Variants in MAP3K7CL observed in about 807,000 individuals in gnomAD.
MAP3K7CL encodes the protein MAP3K7 C-terminal-like protein.
MAP3K7CL carries 16 observed loss-of-function variants against 18.6 expected under a neutral mutation model. The observed-to-expected ratio is 0.86, with a 90% CI of 0.58 to 1.31. The LOEUF (loss-of-function observed/expected upper bound fraction) is 1.31, where lower values mean the gene tolerates loss of function less well. MAP3K7CL is among the 50% of genes most tolerant of loss of function. MAP3K7CL has a pLI of 0.00. For synonymous variants in MAP3K7CL, 65 were observed against 66.8 expected, an observed-to-expected ratio of 0.97 and a Z score of 0.13; for missense variants, 163 against 174.4, an observed-to-expected ratio of 0.93 and a Z score of 0.37.
At chr21:29,104,526 A>G (rs1186957936) in intron 4 of MAP3K7CL, among the ~76,000 whole-genome samples, 1 of 152,166 alleles carries the variant, frequency 6.6e-6, no homozygotes, top group Non-Finnish European at 1.5e-5. Flanking sequence ...TTCTGTGCTA[A>G]CCAGCCTTAC....
chr21:29,090,423 C>T (rs2086004258), intron 1 of MAP3K7CL, among the ~76,000 whole-genome samples: 1 of 152,044 alleles, frequency 6.6e-6, no homozygotes, highest in Admixed American at 6.6e-5. Flanking sequence ...CTCTGTCGCC[C>T]AGGCTGGAGT....
chr21:29,170,303 A>G (rs1367267264), intron 4 of MAP3K7CL, among the ~76,000 whole-genome samples: 1 of 152,234 alleles, frequency 6.6e-6, no homozygotes, highest in Non-Finnish European at 1.5e-5. Context: ...GTTCCAGTAA[A>G]GAAGAAATTA....
intron 3 of MAP3K7CL, among the ~76,000 whole-genome samples, chr21:29,149,815 A>G (rs1260080275): frequency 6.6e-5 from 10 of 152,242 alleles, no homozygotes; most frequent in Non-Finnish European, 7.3e-5. Context: ...TTAATACACC[A>G]GAATTATTTG....
At chr21:29,109,197 G>A in intron 4 of MAP3K7CL, 1 of 1,535,374 alleles carries the variant, frequency 6.5e-7, no homozygotes, top group African/African-American at 1.4e-5. Context: ...TGGACATAGG[G>A]AAGGGTGGGT....
chr21:29,134,835 G>A (rs1382178215), intron 2 of MAP3K7CL, among the ~76,000 whole-genome samples: 1 of 152,190 alleles, frequency 6.6e-6, no homozygotes, highest in Non-Finnish European at 1.5e-5. Context: ...GGATCACGAG[G>A]TCAGGAGATT....
chr21:29,094,480 A>G (rs1190535240), intron 4 of MAP3K7CL, among the ~76,000 whole-genome samples: 1 of 152,208 alleles, frequency 6.6e-6, no homozygotes, highest in Non-Finnish European at 1.5e-5. Context: ...TGGTCCAGAC[A>G]TTGCTCTTTG....
chr21:29,126,991 A>G (rs571972640), upstream of MAP3K7CL, among the ~76,000 whole-genome samples: 43 of 152,352 alleles, frequency 2.8e-4, no homozygotes, highest in South Asian at 8.7e-3. Context: ...TAAAATTTCC[A>G]GAATGAGGGT....
chr21:29,123,563 A>G (rs1736299760), intron 4 of MAP3K7CL, among the ~76,000 whole-genome samples: 1 of 152,224 alleles, frequency 6.6e-6, no homozygotes, highest in South Asian at 2.1e-4. Context: ...TTGCAAAAAA[A>G]GAGGGAGGAA....
chr21:29,121,549 C>T (rs2086595107), intron 4 of MAP3K7CL, among the ~76,000 whole-genome samples: 1 of 152,044 alleles, frequency 6.6e-6, no homozygotes. Context: ...TTCTCATTCA[C>T]ATGGGAGGTT....
intron 4 of MAP3K7CL, among the ~76,000 whole-genome samples, chr21:29,172,241 C>CTTTTTTTTTTTT (rs35612617): frequency 3.2e-5 from 4 of 126,250 alleles, no homozygotes; most frequent in African/African-American, 2.9e-5. Context: ...TTGTCATTTT[C>CTTTTTTTTTTTT]TTTTTTTTTT....
chr21:29,111,963 A>G (rs1348730767), intron 4 of MAP3K7CL, among the ~76,000 whole-genome samples: 1 of 152,080 alleles, frequency 6.6e-6, no homozygotes, highest in African/African-American at 2.4e-5. Flanking sequence ...CTCCTCTCCA[A>G]TCCTCCACGT....
intron 4 of MAP3K7CL, among the ~76,000 whole-genome samples, chr21:29,101,103 A>C (rs2086221857): frequency 6.6e-6 from 1 of 151,810 alleles, no homozygotes; most frequent in Non-Finnish European, 1.5e-5. Context: ...GCGTGGCCGC[A>C]AACATTTTTT....
chr21:29,137,901 G>A (rs762165227), intron 2 of MAP3K7CL, among the ~76,000 whole-genome samples: 38 of 152,114 alleles, frequency 2.5e-4, no homozygotes, highest in Non-Finnish European at 4.3e-4. Flanking sequence ...AAAATTTGGC[G>A]GAATAGTCTG....
At chr21:29,155,490 T>A (rs1601253487) in intron 3 of MAP3K7CL, among the ~76,000 whole-genome samples, 1 of 152,036 alleles carries the variant, frequency 6.6e-6, no homozygotes, top group Admixed American at 6.6e-5. Flanking sequence ...CCCCATGGGG[T>A]CTGTTCCAGG....
chr21:29,151,204 C>T (rs550481555), intron 3 of MAP3K7CL, among the ~76,000 whole-genome samples: 4 of 151,300 alleles, frequency 2.6e-5, no homozygotes, highest in South Asian at 2.1e-4. Context: ...GGCCCGGTGC[C>T]GTGGCTCACA....
At chr21:29,153,792 T>G (rs925884119) in intron 3 of MAP3K7CL, among the ~76,000 whole-genome samples, 1 of 152,162 alleles carries the variant, frequency 6.6e-6, no homozygotes, top group African/African-American at 2.4e-5. Context: ...TTGACTTGTC[T>G]CTCTCTGTTC....
Position 29,137,798 on chromosome 21 carries a change from A to C in MAP3K7CL, c.70+4384A>C, listed in dbSNP as rs537907140. On this transcript the variant is annotated intron_variant, in intron 2 of 4. Coordinates refer to ENST00000399928, the MANE Select transcript of MAP3K7CL (RefSeq NM_001286620.2). Reference sequence around the variant, plus strand: ...AGCAATAGACTAGGGTTACCAAGTCAATCTTCAAAGTTCAGCAAGGGGTCT... The same window carrying C: ...AGCAATAGACTAGGGTTACCAAGTCCATCTTCAAAGTTCAGCAAGGGGTCT... Among the ~76,000 whole-genome samples the C allele has an allele frequency of 2.0e-5, 3 of 152,306 alleles. No homozygotes were observed. The South Asian group carries it at 6.2e-4, about 32-fold the overall frequency.
chr21:29,085,654 A>G (rs141489465), upstream of MAP3K7CL, among the ~76,000 whole-genome samples: 89 of 152,132 alleles, frequency 5.9e-4, 2 homozygotes, highest in East Asian at 0.016. Context: ...TGTCTGCAAA[A>G]TTCATTTATG....
chr21:29,080,717 T>C (rs1568922895), intron 1 of MAP3K7CL: 1 of 152,226 alleles, frequency 6.6e-6, no homozygotes, highest in South Asian at 2.1e-4. Context: ...AGGTGAGTCA[T>C]TCTGTTACAT....
Sources: gnomAD v4.1 joint callset for allele counts (sites outside exome capture counted in the v4.1 genomes callset) on GRCh38, gnomAD v4.1.1 for gene constraint, MANE v1.5 for transcripts, NCBI Gene and HGNC (gene_info 2026-07-23, HGNC 2026-07-21) for gene names.